SLC26A7: variants seen among roughly 807,000 people sequenced by gnomAD.
SLC26A7 encodes anion exchange transporter.
Under a neutral mutation model 82.5 loss-of-function variants are expected in SLC26A7, and 59 were observed. The observed-to-expected ratio is 0.72, with a 90% confidence interval of 0.58 to 0.89. The LOEUF is 0.89. Among genes scored for constraint, SLC26A7 ranks in the 40% least tolerant of loss-of-function variants. The pLI, the probability that SLC26A7 is intolerant of heterozygous loss-of-function variation, is 0.00. For synonymous variants in SLC26A7, 271 were observed against 274.3 expected (o/e 0.99, Z 0.12); for missense variants, 820 against 793.0 (o/e 1.03, Z -0.41).
chr8:91,284,024 G>A (rs972297505), intron 2 of SLC26A7, among the ~76,000 whole-genome samples: 4 of 152,046 alleles, frequency 2.6e-5, no homozygotes, highest in Non-Finnish European at 1.5e-5. Context: ...TAAAAAAAAT[G>A]AATACAGTAC....
intron 2 of SLC26A7, among the ~76,000 whole-genome samples, chr8:91,250,215 G>A (rs1586320698): frequency 6.6e-6 from 1 of 152,008 alleles, no homozygotes; most frequent in East Asian, 1.9e-4. Flanking sequence ...GAACACAATC[G>A]TTTTGGAACC....
At chr8:91,216,244 G>A (rs1810044903) in intron 1 of SLC26A7, among the ~76,000 whole-genome samples, 1 of 152,068 alleles carries the variant, frequency 6.6e-6, no homozygotes, top group African/African-American at 2.4e-5. Flanking sequence ...CCCCAAGAAG[G>A]GGAAAGAGGG....
At chr8:91,329,785 C>T (rs1813028787) in intron 5 of SLC26A7, among the ~76,000 whole-genome samples, 1 of 152,092 alleles carries the variant, frequency 6.6e-6, no homozygotes, top group African/African-American at 2.4e-5. Flanking sequence ...CATGAAAAAT[C>T]ATCAGAAAGC....
intron 2 of SLC26A7, among the ~76,000 whole-genome samples, chr8:91,231,584 T>C (rs1285337659): frequency 6.6e-6 from 1 of 152,192 alleles, no homozygotes; most frequent in Non-Finnish European, 1.5e-5. Context: ...TTTTCTTTTC[T>C]TTTCTTTTCT....
At chr8:91,250,444 A>G (rs1297551034) in intron 2 of SLC26A7, among the ~76,000 whole-genome samples, 2 of 152,140 alleles carry the variant, frequency 1.3e-5, no homozygotes, top group African/African-American at 4.8e-5. Context: ...ACTGGTGAGA[A>G]GTCTGATTTT....
chr8:91,228,427 T>C (rs1810266657), intron 2 of SLC26A7, among the ~76,000 whole-genome samples: 1 of 152,124 alleles, frequency 6.6e-6, no homozygotes, highest in African/African-American at 2.4e-5. Context: ...AGGTAAGTGT[T>C]TGGGCCTTAA....
Position 91,351,671 on chromosome 8 carries a change from C to A in SLC26A7, c.1141-139C>A. The stretch of plus-strand genomic sequence containing the variant: ...AAAATATAGATAATGACAGTCTAAG[C>A]AATTTAACAGTTATGTGTCAACATT... On this transcript the variant is annotated intron_variant, in intron 9 of 18. Transcript: ENST00000276609. 3 of 619,220 alleles carry A rather than the reference C, an allele frequency of 4.8e-6. No individual in the cohort carries two copies. In the South Asian group the frequency reaches 6.3e-5, roughly 13 times the overall value. The allele number at this position is 619,220 out of a possible 1,614,324, so 38.4% of individuals were successfully genotyped here.
chr8:91,251,140 T>C (rs2130697714), intron 2 of SLC26A7, among the ~76,000 whole-genome samples: 2 of 152,266 alleles, frequency 1.3e-5, no homozygotes, highest in South Asian at 4.1e-4. Context: ...TTAAAAATAA[T>C]TTCTTTTTTT....
rs113544732 is a variant in SLC26A7 at position 91,281,301 on chromosome 8, C to T, written c.194-7835C>T. Among the ~76,000 whole-genome samples, 388 of 152,194 alleles carry T rather than the reference C, an allele frequency of 2.5e-3. 2 individuals carry two copies. The highest frequency in any genetic ancestry group is 8.7e-3 in the African/African-American group (359 of 41,502). Reference sequence around the variant, plus strand: ...AACCACATATAATGGTCATGTCTCCCGGTTAAAGGGTGTAGTTCTTAGTCT... The same window carrying T: ...AACCACATATAATGGTCATGTCTCCTGGTTAAAGGGTGTAGTTCTTAGTCT... On this transcript the variant is annotated intron_variant, in intron 2 of 18. Transcript: ENST00000276609.
intron 15 of SLC26A7, among the ~76,000 whole-genome samples, chr8:91,381,925 A>G (rs1814680755): frequency 6.6e-6 from 1 of 152,054 alleles, no homozygotes; most frequent in East Asian, 1.9e-4. Flanking sequence ...GTCCTTAATT[A>G]TGTTTGAAAT....
At chr8:91,290,261 T>C (rs1403626603) in intron 3 of SLC26A7, among the ~76,000 whole-genome samples, 1 of 152,190 alleles carries the variant, frequency 6.6e-6, no homozygotes, top group Non-Finnish European at 1.5e-5. Context: ...GGTCATTTTG[T>C]GTTATTGATT....
At chr8:91,311,705 C>A (rs1467295276) in intron 4 of SLC26A7, among the ~76,000 whole-genome samples, 1 of 152,100 alleles carries the variant, frequency 6.6e-6, no homozygotes. Context: ...GGTCTATGGT[C>A]TGTGCTTTTC....
At chr8:91,210,754 T>G (rs905860183) in intron 1 of SLC26A7, among the ~76,000 whole-genome samples, 6 of 152,082 alleles carry the variant, frequency 3.9e-5, no homozygotes, top group Non-Finnish European at 7.4e-5. Flanking sequence ...CATAATGGCA[T>G]AAGAATATAG....
Position 91,308,246 on chromosome 8 carries a change from G to GGTGTGT in SLC26A7, c.478-9941_478-9936dup, listed in dbSNP as rs35920887. 3.2e-3 allele frequency among the ~76,000 whole-genome samples: 463 copies of GGTGTGT among 145,746 alleles called. 1 individual carries two copies. Among genetic ancestry groups the GGTGTGT allele is most frequent in the African/African-American group, 3.9e-3 (156 of 39,758 alleles). On this transcript the variant is annotated intron_variant, in intron 4 of 18. Coordinates refer to ENST00000276609, the MANE Select transcript of SLC26A7 (RefSeq NM_052832.4). The stretch of plus-strand genomic sequence containing the variant: ...GCGTTATATGTTTTTAGGAGGAAGA[G>GGTGTGT]GTGTGTGTGTGTGTGTGTGTGTGTG...
intron 2 of SLC26A7, among the ~76,000 whole-genome samples, chr8:91,243,181 G>A (rs1810497096): frequency 6.6e-6 from 1 of 152,112 alleles, no homozygotes; most frequent in African/African-American, 2.4e-5. Context: ...TAGGGAGGGT[G>A]ATCATAATGT....
Position 91,362,346 on chromosome 8 carries a change from CT to C in SLC26A7, c.1315-4del. On this transcript the variant is annotated splice_polypyrimidine_tract_variant and splice_region_variant and intron_variant, in intron 11 of 18. Coordinates refer to ENST00000276609, the MANE Select transcript of SLC26A7 (RefSeq NM_052832.4). ...TTCACAACTTCTGTTTCTTGTTTCT[CT>C]TTCAGGGAATATGGGTCAGTACATA... The C allele has an allele frequency of 1.3e-6, 2 of 1,595,814 alleles. No individual in the cohort carries two copies. The highest frequency in any genetic ancestry group is 1.7e-5 in the Admixed American group (1 of 57,918).
At chr8:91,388,339 C>T (rs1433508162) in intron 15 of SLC26A7, among the ~76,000 whole-genome samples, 2 of 151,988 alleles carry the variant, frequency 1.3e-5, no homozygotes, top group African/African-American at 2.4e-5. Context: ...CTCCGCCTCC[C>T]GGGTTAACGC....
At chr8:91,215,086 T>A (rs574366204) in intron 1 of SLC26A7, among the ~76,000 whole-genome samples, 3 of 152,098 alleles carry the variant, frequency 2.0e-5, no homozygotes, top group Non-Finnish European at 4.4e-5. Context: ...TGTGATTACA[T>A]GGCGCCCACC....
intron 2 of SLC26A7, among the ~76,000 whole-genome samples, chr8:91,241,270 A>G (rs561620629): frequency 6.6e-6 from 1 of 152,172 alleles, no homozygotes; most frequent in African/African-American, 2.4e-5. Context: ...TCAATGAAAT[A>G]AAAAATTACA....
Sources: gnomAD v4.1 joint callset for allele counts (sites outside exome capture counted in the v4.1 genomes callset) on GRCh38, gnomAD v4.1.1 for gene constraint, MANE v1.5 for transcripts, NCBI Gene and HGNC (gene_info 2026-07-23, HGNC 2026-07-21) for gene names.